The following PRPF6 variants were observed in gnomAD, a reference collection of about 807,000 sequenced individuals.
PRPF6 encodes pre-mRNA processing factor 6.
A neutral mutation model predicts 118.3 loss-of-function variants in PRPF6; 42 were observed. The ratio of observed to expected loss-of-function variants is 0.35; its 90% CI spans 0.28 to 0.46. The LOEUF (loss-of-function observed/expected upper bound fraction) is 0.46. Among genes scored for constraint, PRPF6 ranks in the 20% least tolerant of loss-of-function variants. The pLI is 1.00. For synonymous variants in PRPF6, 481 were observed against 485.1 expected (o/e 0.99, Z 0.11); for missense variants, 662 against 1,255.7 (o/e 0.53, Z 7.15).
chr20:63,998,118 G>A (rs966000093), intron 6 of PRPF6, among the ~76,000 whole-genome samples: 5 of 151,168 alleles, frequency 3.3e-5, no homozygotes, highest in South Asian at 2.1e-4. Flanking sequence ...TTTTTGAGAC[G>A]GGGTCTTGCT....
At chr20:63,982,990 A>T in intron 1 of PRPF6, 57 bp from the exon 2 acceptor site, 5 of 1,591,878 alleles carry the variant, frequency 3.1e-6, no homozygotes, top group Non-Finnish European at 4.3e-6. Flanking sequence ...CCAGGAGTGG[A>T]GAAGAGCACA....
chr20:64,030,994 G>A (rs907909142), intron 19 of PRPF6, among the ~76,000 whole-genome samples: 16 of 152,172 alleles, frequency 1.1e-4, no homozygotes, highest in Non-Finnish European at 2.1e-4. Context: ...AGCAGCCAGC[G>A]CCCGCCATCC....
intron 12 of PRPF6, among the ~76,000 whole-genome samples, chr20:64,020,241 C>T (rs2059256617): frequency 6.6e-6 from 1 of 152,114 alleles, no homozygotes; most frequent in African/African-American, 2.4e-5. Flanking sequence ...CATGGTGAAA[C>T]CTCGTCTCTA....
chr20:64,022,988 T>C, intron 13 of PRPF6, 110 bp downstream of exon 13: 1 of 1,545,510 alleles, frequency 6.5e-7, no homozygotes, highest in South Asian at 1.1e-5. Flanking sequence ...TGTGCCCATT[T>C]GAGGTCTGGC....
chr20:64,013,942 GT>G (rs56207811), intron 11 of PRPF6, among the ~76,000 whole-genome samples: 4 of 147,206 alleles, frequency 2.7e-5, no homozygotes, highest in Admixed American at 6.8e-5. Context: ...TTTTGTTTTT[GT>G]TTTTTTTTTG....
intron 12 of PRPF6, among the ~76,000 whole-genome samples, 177 bp downstream of exon 12, chr20:64,017,022 A>G (rs959479257): frequency 2.3e-4 from 35 of 151,982 alleles, no homozygotes; most frequent in African/African-American, 8.0e-4. Flanking sequence ...AGCTCACTAC[A>G]ACCTCCACCT....
Position 64,027,461 on chromosome 20 carries a change from T to C in PRPF6, c.2206-142T>C, listed in dbSNP as rs1265001314. The C allele has an allele frequency of 2.0e-5, 25 of 1,244,148 alleles. No homozygotes were observed. The highest frequency in any genetic ancestry group is 2.7e-5 in the Non-Finnish European group (23 of 849,996). The allele number at this position is 1,244,148 out of a possible 1,614,324, so 77.1% of individuals were successfully genotyped here. On this transcript the variant is annotated intron_variant, in intron 16 of 20. Coordinates refer to ENST00000266079, the MANE Select transcript of PRPF6 (RefSeq NM_012469.4). This position sits in a 1 kb window ranked among gnomAD's most constrained non-coding sequence, Gnocchi z 6.5. ...CACCGCACACCTGTACACCCACAAA[T>C]GCAGAGTGTGAGGGGTGTTTTTCCA...
At chr20:63,987,708 A>G (rs1266760084) in intron 3 of PRPF6, among the ~76,000 whole-genome samples, 3 of 152,212 alleles carry the variant, frequency 2.0e-5, no homozygotes, top group East Asian at 3.8e-4. Context: ...AGAAAACCCT[A>G]AAGACTCTAC....
chr20:64,024,503 G>A (rs982615805), intron 13 of PRPF6, 52 bp from the exon 14 acceptor site: 4 of 1,610,178 alleles, frequency 2.5e-6, no homozygotes, highest in East Asian at 2.2e-5. Context: ...AGTGTGATGT[G>A]TGTTCTGGTT....
At chr20:63,994,152 C>A (rs1236280632) in intron 4 of PRPF6, among the ~76,000 whole-genome samples, 2 of 146,338 alleles carry the variant, frequency 1.4e-5, no homozygotes, top group Non-Finnish European at 3.0e-5. Flanking sequence ...TTTTTCTTTT[C>A]TTTTTCTTTT....
In PRPF6 at chr20:64,011,517, GGGT is replaced by G. The variant is rs767623903; in HGVS notation, c.1524+16_1524+18del. 2.2e-5 allele frequency: 35 copies of G among 1,606,476 alleles called. No homozygotes were observed. Among genetic ancestry groups the G allele is most frequent in the Non-Finnish European group, 2.9e-5 (34 of 1,177,248 alleles). The stretch of plus-strand genomic sequence containing the variant: ...CAGTGGATCCAGGTGGGCCGCAGGC[GGGT>G]GTCGTGGTGTCTGCTTTAACAGTGC... On this transcript the variant is annotated intron_variant, in intron 11 of 20. Coordinates refer to ENST00000266079, the MANE Select transcript of PRPF6 (RefSeq NM_012469.4). The surrounding 1 kb of genome is among the most constrained non-coding windows in gnomAD (Gnocchi z 6.7).
At chr20:63,993,344 A>G in intron 3 of PRPF6, 63 bp from the exon 4 acceptor site, 1 of 1,221,824 alleles carries the variant, frequency 8.2e-7, no homozygotes, top group Non-Finnish European at 1.2e-6. Context: ...ATTGAGATGG[A>G]TAATAAATTT....
chr20:63,984,857 G>T (rs978726808), intron 2 of PRPF6, 50 bp from the exon 3 acceptor site: 2 of 1,288,514 alleles, frequency 1.6e-6, no homozygotes, highest in East Asian at 2.3e-5. Context: ...CGCTGGTGGG[G>T]ATGGTGTTGA....
In PRPF6 at chr20:64,022,892, CCCG is replaced by C; in HGVS notation, c.1769+17_1769+19del. The C allele has an allele frequency of 6.2e-7, 1 of 1,613,946 alleles. No homozygotes were observed. Among genetic ancestry groups the C allele is most frequent in the Non-Finnish European group, 8.5e-7 (1 of 1,179,966 alleles). ...CCATGGCACTCGGTATGTGGTGGGA[CCCG>C]CCTGCCCAAGGGTGCTAATGAAACC... On this transcript the variant is annotated intron_variant, in intron 13 of 20. Coordinates refer to ENST00000266079, the MANE Select transcript of PRPF6 (RefSeq NM_012469.4).
At chr20:63,992,384 C>T (rs2059122456) in intron 3 of PRPF6, among the ~76,000 whole-genome samples, 1 of 152,148 alleles carries the variant, frequency 6.6e-6, no homozygotes, top group Non-Finnish European at 1.5e-5. Context: ...ACCTCAGCCT[C>T]CTGAGTAGCT....
intron 12 of PRPF6, 73 bp downstream of exon 12, chr20:64,016,918 C>A: frequency 6.3e-7 from 1 of 1,579,364 alleles, no homozygotes; most frequent in Non-Finnish European, 8.7e-7. Flanking sequence ...ACCTTATAAA[C>A]TACTAGGCTA....
intron 3 of PRPF6, among the ~76,000 whole-genome samples, chr20:63,989,877 A>G (rs1450967140): frequency 1.3e-5 from 2 of 152,022 alleles, no homozygotes; most frequent in Non-Finnish European, 2.9e-5. Context: ...TATTTTTTGA[A>G]GATAATTTTA....
At chr20:63,993,893 G>T (rs1183403514) in intron 4 of PRPF6, among the ~76,000 whole-genome samples, 1 of 151,584 alleles carries the variant, frequency 6.6e-6, no homozygotes, top group Non-Finnish European at 1.5e-5. Flanking sequence ...GGGATTACAG[G>T]TGCCTGCCAC....
intron 6 of PRPF6, 41 bp downstream of exon 6, chr20:63,995,523 A>G (rs1569214050): frequency 1.2e-6 from 2 of 1,612,262 alleles, no homozygotes; most frequent in Admixed American, 1.7e-5. Flanking sequence ...ACAGGTTTAG[A>G]CAGTTTAATT....
Sources: allele counts gnomAD v4.1 joint callset (sites outside exome capture counted in the v4.1 genomes callset), GRCh38; gene constraint gnomAD v4.1.1; non-coding constraint Gnocchi (gnomAD v3.1); transcripts MANE v1.5; gene names NCBI Gene and HGNC (gene_info 2026-07-23, HGNC 2026-07-21).